RALYL: variants seen among roughly 807,000 people sequenced by gnomAD.
RALYL encodes RNA-binding Raly-like protein.
A neutral mutation model predicts 35.1 loss-of-function variants in RALYL; 29 were observed. The ratio of observed to expected loss-of-function variants is 0.83; its 90% CI spans 0.61 to 1.13. The LOEUF (loss-of-function observed/expected upper bound fraction) is 1.13. Among genes scored for constraint, RALYL ranks in the 50% most tolerant of loss-of-function variants. The probability of loss-of-function intolerance (pLI) is 0.00; values close to 1 mark genes in which losing one functional copy is unlikely to be tolerated. For missense variants in RALYL, 359 were observed against 360.4 expected (o/e 1.00, Z 0.03); for synonymous variants, 120 against 127.6 (o/e 0.94, Z 0.40).
chr8:84,397,607 T>G (rs1490587501), intron 1 of RALYL, among the ~76,000 whole-genome samples: 1 of 152,156 alleles, frequency 6.6e-6, no homozygotes, highest in Non-Finnish European at 1.5e-5. Flanking sequence ...CCACCACATT[T>G]ATTGATTTTT....
chr8:84,270,553 CGT>C lies in RALYL; in HGVS notation c.-24+86158_-24+86159del, dbSNP rs34047869. On this transcript the variant is annotated intron_variant, in intron 1 of 8. Coordinates refer to ENST00000521268, the MANE Select transcript of RALYL (RefSeq NM_173848.7). The stretch of plus-strand genomic sequence containing the variant: ...TTCGATTAACCAGTGACATGAAATT[CGT>C]GTGTGTGTGTGTGTGTGTGTGTGTG... Among the ~76,000 whole-genome samples, 795 of 147,274 alleles carry C rather than the reference CGT, an allele frequency of 5.4e-3. 8 individuals carry two copies. The East Asian group carries it at 0.06, about 11-fold the overall frequency.
intron 1 of RALYL, among the ~76,000 whole-genome samples, chr8:84,462,858 C>T (rs1377443644): frequency 6.6e-6 from 1 of 151,730 alleles, no homozygotes; most frequent in Non-Finnish European, 1.5e-5. Flanking sequence ...TGAAGTTCAT[C>T]ATCAAATTCA....
chr8:84,649,798 T>A (rs957911941), intron 2 of RALYL, among the ~76,000 whole-genome samples: 7 of 152,132 alleles, frequency 4.6e-5, no homozygotes, highest in African/African-American at 1.7e-4. Flanking sequence ...TTTAAAGTAG[T>A]TTTTTCCAAT....
At position 84,913,271 on chromosome 8, in the gene RALYL, A is replaced by T. The variant is rs146793582; in HGVS notation, c.859-7623A>T. Among the ~76,000 whole-genome samples, 12 of 152,110 alleles carry T rather than the reference A, an allele frequency of 7.9e-5. No homozygotes were observed. The East Asian group carries it at 1.9e-3, about 25-fold the overall frequency. ...ATCCCAATGAACAGATGATGTTAGA[A>T]CCTTTTGTTCAGGTCTATAACATGT... On this transcript the variant is annotated intron_variant, in intron 8 of 8. Coordinates refer to ENST00000521268, the MANE Select transcript of RALYL (RefSeq NM_173848.7).
Position 84,386,836 on chromosome 8 carries a change from C to A in RALYL, c.-23-142463C>A, listed in dbSNP as rs367747053. Among the ~76,000 whole-genome samples, 5 of 151,906 alleles carry A rather than the reference C, an allele frequency of 3.3e-5. No homozygotes were observed. In the East Asian group the frequency reaches 9.7e-4, roughly 30 times the overall value. Reference sequence around the variant, plus strand: ...ACTTCCTATACTTCAGCATTCTAAACCTCACGGAGAGCCCTTCCTCTGAAA... The same window carrying A: ...ACTTCCTATACTTCAGCATTCTAAAACTCACGGAGAGCCCTTCCTCTGAAA... On this transcript the variant is annotated intron_variant, in intron 1 of 8. Transcript: ENST00000521268.
intron 2 of RALYL, among the ~76,000 whole-genome samples, chr8:84,760,916 G>T (rs1812527214): frequency 6.6e-6 from 1 of 152,060 alleles, no homozygotes; most frequent in South Asian, 2.1e-4. Context: ...AATTGAGAAT[G>T]CCTGTAACTG....
At chr8:84,915,075 T>G (rs1848239168) in intron 8 of RALYL, among the ~76,000 whole-genome samples, 1 of 152,070 alleles carries the variant, frequency 6.6e-6, no homozygotes, top group African/African-American at 2.4e-5. Context: ...CCTACCTCAC[T>G]GATTTATAAT....
chr8:84,398,455 A>C (rs2042562264), intron 1 of RALYL, among the ~76,000 whole-genome samples: 1 of 152,186 alleles, frequency 6.6e-6, no homozygotes, highest in Non-Finnish European at 1.5e-5. Context: ...AAATATTGTG[A>C]AAGATAAGAG....
At chr8:84,210,778 T>C (rs768158141) in intron 1 of RALYL, among the ~76,000 whole-genome samples, 3 of 152,112 alleles carry the variant, frequency 2.0e-5, no homozygotes, top group Non-Finnish European at 2.9e-5. Flanking sequence ...TTCATGCTTG[T>C]ACAAGAGGCA....
At chr8:84,380,048 T>C (rs1301147974) in intron 1 of RALYL, among the ~76,000 whole-genome samples, 2 of 146,072 alleles carry the variant, frequency 1.4e-5, no homozygotes, top group African/African-American at 5.4e-5. Context: ...GACTATATGC[T>C]TCTCAAAATT....
chr8:84,266,959 CAA>C lies in RALYL; in HGVS notation c.-24+82557_-24+82558del, dbSNP rs747403533. 2.9e-3 allele frequency among the ~76,000 whole-genome samples: 173 copies of C among 60,346 alleles called. 1 individual carries two copies. Among genetic ancestry groups the C allele is most frequent in the African/African-American group, 0.01 (162 of 15,478 alleles). 39.6% of individuals were successfully genotyped at this position (60,346 alleles called of 152,430 possible). On this transcript the variant is annotated intron_variant, in intron 1 of 8. Coordinates refer to ENST00000521268, the MANE Select transcript of RALYL (RefSeq NM_173848.7). ...TGGGCGACAGAGCGAGACTCCGTCTCAAAAAAAAAAAAAAAAAAAAAAATTGA... is the reference window on the plus strand; with the variant it reads ...TGGGCGACAGAGCGAGACTCCGTCTCAAAAAAAAAAAAAAAAAAAAATTGA...
intron 4 of RALYL, among the ~76,000 whole-genome samples, chr8:84,847,752 G>C (rs1834964773): frequency 6.6e-6 from 1 of 152,134 alleles, no homozygotes; most frequent in Non-Finnish European, 1.5e-5. Flanking sequence ...GGTTTGCATA[G>C]ATGGATACAG....
At chr8:84,418,258 A>T (rs1171086855) in intron 1 of RALYL, among the ~76,000 whole-genome samples, 1 of 152,166 alleles carries the variant, frequency 6.6e-6, no homozygotes, top group Non-Finnish European at 1.5e-5. Flanking sequence ...ACAGTATTTA[A>T]CTAGTCTATA....
intron 1 of RALYL, among the ~76,000 whole-genome samples, chr8:84,349,790 A>G (rs937367772): frequency 3.3e-5 from 5 of 150,316 alleles, no homozygotes; most frequent in African/African-American, 1.2e-4. Context: ...CTGGCCTTAT[A>G]TGAACATGAG....
intron 2 of RALYL, among the ~76,000 whole-genome samples, chr8:84,646,278 T>G (rs538179525): frequency 2.6e-4 from 39 of 152,164 alleles, no homozygotes; most frequent in African/African-American, 9.1e-4. Context: ...TTTGGTCATT[T>G]TGTAACTTAC....
At chr8:84,737,679 C>T (rs774896809) in intron 2 of RALYL, among the ~76,000 whole-genome samples, 6 of 151,942 alleles carry the variant, frequency 3.9e-5, no homozygotes, top group Non-Finnish European at 8.8e-5. Context: ...ATGGCGAAAC[C>T]TCATCAGCAA....
chr8:84,855,201 C>G (rs555920369), intron 5 of RALYL, among the ~76,000 whole-genome samples: 1 of 152,288 alleles, frequency 6.6e-6, no homozygotes, highest in South Asian at 2.1e-4. Context: ...AGGGAGCTAG[C>G]TGCCCAACCC....
At chr8:84,399,529 C>G (rs901320010) in intron 1 of RALYL, among the ~76,000 whole-genome samples, 1 of 152,226 alleles carries the variant, frequency 6.6e-6, no homozygotes, top group South Asian at 2.1e-4. Flanking sequence ...ATCCAGCAAC[C>G]AATAATTTAT....
At chr8:84,191,182 TTGTG>T (rs36011671) in intron 1 of RALYL, among the ~76,000 whole-genome samples, 4,913 of 145,186 alleles carry the variant, frequency 0.034, 214 homozygotes, top group African/African-American at 0.098. Flanking sequence ...GTGTGTGTGA[TTGTG>T]TGTGTGTGTG....
Sources: allele counts gnomAD v4.1 joint callset (sites outside exome capture counted in the v4.1 genomes callset), GRCh38; gene constraint gnomAD v4.1.1; transcripts MANE v1.5; gene names NCBI Gene and HGNC (gene_info 2026-07-23, HGNC 2026-07-21).